The following TBC1D2 variants were observed in gnomAD, a reference collection of about 807,000 sequenced individuals.
TBC1D2 encodes TBC1 domain family member 2, also known as TBC1 domain family member 2A.
A neutral mutation model predicts 91.1 loss-of-function variants in TBC1D2; 58 were observed. The ratio of observed to expected loss-of-function variants is 0.64; its 90% CI spans 0.52 to 0.79. TBC1D2 has a LOEUF of 0.79. Among genes scored for constraint, TBC1D2 ranks in the 30% least tolerant of loss-of-function variants. The pLI is 0.00. For synonymous variants in TBC1D2, 482 were observed against 511.5 expected, an observed-to-expected ratio of 0.94 and a Z score of 0.78; for missense variants, 1,080 against 1,208.3, an observed-to-expected ratio of 0.89 and a Z score of 1.57.
intron 5 of TBC1D2, among the ~76,000 whole-genome samples, chr9:98,227,615 C>A (rs1354199997): frequency 7.5e-5 from 4 of 53,396 alleles, no homozygotes; most frequent in Non-Finnish European, 1.3e-4. Flanking sequence ...AAAACAAAAA[C>A]CAAAAAACAA....
chr9:98,254,944 C>T (rs1829942180), intron 1 of TBC1D2, among the ~76,000 whole-genome samples: 1 of 152,218 alleles, frequency 6.6e-6, no homozygotes, highest in Admixed American at 6.5e-5. Context: ...GTCCTTTCAT[C>T]TCCCTCTGAC....
chr9:98,209,240 C>T (rs886491346), intron 8 of TBC1D2, 96 bp from the exon 9 acceptor site: 15 of 1,192,254 alleles, frequency 1.3e-5, no homozygotes, highest in Middle Eastern at 2.3e-4. Context: ...GGTTCCTGCC[C>T]TGCCTTCACT....
intron 8 of TBC1D2, among the ~76,000 whole-genome samples, chr9:98,209,791 CCTTT>C (rs1411826000): frequency 2.1e-4 from 28 of 130,386 alleles, no homozygotes; most frequent in Non-Finnish European, 3.0e-4. Context: ...TTCCTTCCTT[CCTTT>C]CTTTTTCTTT....
chr9:98,203,475 A>T (rs756676475), intron 9 of TBC1D2, 67 bp from the exon 10 acceptor site: 84 of 1,591,844 alleles, frequency 5.3e-5, no homozygotes, highest in Non-Finnish European at 7.2e-5. Flanking sequence ...CACATGGCAG[A>T]GGTGGCTTCC....
At chr9:98,245,717 T>C (rs1006355253) in intron 2 of TBC1D2, among the ~76,000 whole-genome samples, 7 of 152,230 alleles carry the variant, frequency 4.6e-5, no homozygotes, top group South Asian at 2.1e-4. Context: ...CTGTTTTTTT[T>C]CCAAATTTTC....
rs1194151323 is a variant in TBC1D2, at chr9:98,200,250, C to T, written c.2579+3G>A. ...GGAGTGGCAGGGGGTGGGGGTTCCT[C>T]ACCGGCTGTTGGAGATGGTCTTGGT... On this transcript the variant is annotated splice_donor_region_variant and intron_variant, in intron 12 of 12. Coordinates refer to ENST00000465784, the MANE Select transcript of TBC1D2 (RefSeq NM_001267571.2). The T allele has an allele frequency of 6.2e-7, 1 of 1,613,510 alleles. No individual in the cohort carries two copies. The highest frequency in any genetic ancestry group is 1.1e-5 in the South Asian group (1 of 90,946).
chr9:98,217,163 G>T (rs946589876), intron 6 of TBC1D2, among the ~76,000 whole-genome samples: 1 of 152,202 alleles, frequency 6.6e-6, no homozygotes, highest in African/African-American at 2.4e-5. Flanking sequence ...CCTCCAGCTC[G>T]ATGCCCTACC....
rs757097019 is a variant in TBC1D2 at position 98,209,180 on chromosome 9, G to A, written c.1674-36C>T. ...AAGTGCACGTTAGCAACACCTTGCA[G>A]AGCCCTTCCCTAGATAAGGGGTGGT... On this transcript the variant is annotated intron_variant, in intron 8 of 12. Coordinates refer to ENST00000465784, the MANE Select transcript of TBC1D2 (RefSeq NM_001267571.2). The A allele has an allele frequency of 4.4e-6, 7 of 1,585,300 alleles. 1 individual carries two copies. In the South Asian group the frequency reaches 6.8e-5, roughly 15 times the overall value.
chr9:98,221,069 C>A lies in TBC1D2; in HGVS notation c.1138G>T (p.Glu380Ter). ...TGCGCCAGGCTCTCCCGCTCCTGCT[C>A]CAGGGCCTCCACCCGCCGGCCCAGC... ...AELGRRVEAL[E>*]QERESLAHTA... Residue 380 changes from glutamate to a stop codon, truncating the protein, a stop_gained, in exon 6 of 13, where the codon GAG becomes TAG. Transcript: ENST00000465784. LOFTEE classifies it high-confidence loss of function. 6.2e-7 allele frequency: 1 copy of A among 1,606,220 alleles called. No individual in the cohort carries two copies. Among genetic ancestry groups the A allele is most frequent in the Non-Finnish European group, 8.5e-7 (1 of 1,176,224 alleles).
chr9:98,236,348 C>T (rs567547573), intron 3 of TBC1D2, among the ~76,000 whole-genome samples: 1 of 151,866 alleles, frequency 6.6e-6, no homozygotes, highest in Non-Finnish European at 1.5e-5. Context: ...CTCAGCCTGC[C>T]GAGTAGCTGG....
chr9:98,233,615 C>A, intron 3 of TBC1D2, 66 bp from the exon 4 acceptor site: 1 of 1,580,866 alleles, frequency 6.3e-7, no homozygotes, highest in Non-Finnish European at 8.6e-7. Context: ...CTGTCCTTCC[C>A]GCCACCACTG....
intron 2 of TBC1D2, among the ~76,000 whole-genome samples, chr9:98,245,825 G>A (rs1216302534): frequency 6.6e-6 from 1 of 152,100 alleles, no homozygotes; most frequent in Admixed American, 6.5e-5. Flanking sequence ...GCAAATATTA[G>A]GGTCACACTA....
rs778583489 is a variant in TBC1D2, at chr9:98,220,832, C to T, written c.1374+1G>A. ...GGCAGGCCCTGAGGGGAGGCCCCTA[C>T]CTTCAGGTGCTCTATCTTCCCCTGC... On this transcript the variant is annotated splice_donor_variant, in intron 6 of 12. Coordinates refer to ENST00000465784, the MANE Select transcript of TBC1D2 (RefSeq NM_001267571.2). LOFTEE classifies it high-confidence loss of function. 1.2e-6 allele frequency: 2 copies of T among 1,613,540 alleles called. No individual in the cohort carries two copies. Among genetic ancestry groups the T allele is most frequent in the East Asian group, 4.5e-5 (2 of 44,878 alleles).
At chr9:98,251,760 G>A in intron 2 of TBC1D2, 25 bp downstream of exon 2, 1 of 1,557,982 alleles carries the variant, frequency 6.4e-7, no homozygotes, top group East Asian at 2.4e-5. Flanking sequence ...TGGGTGTGCA[G>A]GCAGGAGGGT....
Position 98,233,398 on chromosome 9 carries a change from C to A in TBC1D2, c.781+18G>T, listed in dbSNP as rs777360184. ...GAGCTGGTCCCTGAAGGCAGCTCAG[C>A]CCTGGACAGAGGCTCACCTGGGGTG... On this transcript the variant is annotated intron_variant, in intron 4 of 12. Transcript: ENST00000465784. The A allele has an allele frequency of 8.7e-6, 14 of 1,611,924 alleles. No individual in the cohort carries two copies. The highest frequency in any genetic ancestry group is 3.3e-5 in the Admixed American group (2 of 59,820).
chr9:98,224,280 CTT>C (rs1170210699), intron 5 of TBC1D2, among the ~76,000 whole-genome samples: 32 of 107,426 alleles, frequency 3.0e-4, no homozygotes, highest in African/African-American at 5.8e-4. Flanking sequence ...TTTTTCTTTT[CTT>C]TTTTTTTTTT....
intron 1 of TBC1D2, 103 bp downstream of exon 1, chr9:98,255,070 C>T: frequency 6.7e-7 from 1 of 1,485,566 alleles, no homozygotes; most frequent in Non-Finnish European, 8.9e-7. Context: ...TCGTCACCGA[C>T]ACTCCAAATT....
intron 1 of TBC1D2, among the ~76,000 whole-genome samples, chr9:98,252,395 C>T (rs1042054430): frequency 6.6e-6 from 1 of 152,146 alleles, no homozygotes; most frequent in African/African-American, 2.4e-5. Context: ...GTAATCCTTG[C>T]CTTGGGGATG....
At position 98,224,043 on chromosome 9, in the gene TBC1D2, CA is replaced by C. The variant is rs903833288; in HGVS notation, c.979-2816del. 1.2e-4 allele frequency among the ~76,000 whole-genome samples: 18 copies of C among 151,698 alleles called. 1 individual carries two copies. Among genetic ancestry groups the C allele is most frequent in the Middle Eastern group, 3.4e-3 (1 of 292 alleles). On this transcript the variant is annotated intron_variant, in intron 5 of 12. Coordinates refer to ENST00000465784, the MANE Select transcript of TBC1D2 (RefSeq NM_001267571.2). Reference sequence around the variant, plus strand: ...TGAAACCCCGTCTCTACTAAAAATACAAAAAAATTAGCCAGGCGTGGTGGCG... The same window carrying C: ...TGAAACCCCGTCTCTACTAAAAATACAAAAAATTAGCCAGGCGTGGTGGCG...
Sources: allele counts gnomAD v4.1 joint callset (sites outside exome capture counted in the v4.1 genomes callset), GRCh38; gene constraint gnomAD v4.1.1; transcripts MANE v1.5; gene names NCBI Gene and HGNC (gene_info 2026-07-23, HGNC 2026-07-21).